The following TAFA2 variants were observed in gnomAD, a reference collection of about 807,000 sequenced individuals.
The protein encoded by TAFA2 is chemokine-like protein TAFA-2.
Under a neutral mutation model 18.8 loss-of-function variants are expected in TAFA2, and 7 were observed. That is an observed-to-expected ratio of 0.37 (90% CI 0.21 to 0.70). The LOEUF is 0.70. TAFA2 is among the 30% of genes least tolerant of loss of function. TAFA2 has a pLI of 0.53. For synonymous variants in TAFA2, 60 were observed against 54.2 expected, an observed-to-expected ratio of 1.11 and a Z score of -0.47; for missense variants, 122 against 158.1, an observed-to-expected ratio of 0.77 and a Z score of 1.23.
intron 1 of TAFA2, among the ~76,000 whole-genome samples, chr12:61,985,882 T>C (rs975149261): frequency 8.5e-5 from 13 of 152,210 alleles, no homozygotes; most frequent in African/African-American, 2.9e-4. Flanking sequence ...CAGATCCACA[T>C]GTCACCTGGT....
chr12:62,220,088 A>G (rs1202688658), intron 1 of TAFA2, among the ~76,000 whole-genome samples: 1 of 152,176 alleles, frequency 6.6e-6, no homozygotes. Flanking sequence ...ATAAAGGCAA[A>G]ACCTCACTAG....
intron 1 of TAFA2, among the ~76,000 whole-genome samples, chr12:62,179,346 A>G (rs1383839946): frequency 6.6e-6 from 1 of 152,146 alleles, no homozygotes; most frequent in African/African-American, 2.4e-5. Flanking sequence ...GAAGCATTAT[A>G]TGCTTCTATA....
chr12:61,859,175 G>C (rs1237099366), intron 2 of TAFA2, among the ~76,000 whole-genome samples: 1 of 152,236 alleles, frequency 6.6e-6, no homozygotes, highest in African/African-American at 2.4e-5. Flanking sequence ...CAAGGCAAAA[G>C]AGAAGCAGGC....
chr12:62,040,428 G>A (rs1241466692), intron 1 of TAFA2, among the ~76,000 whole-genome samples: 1 of 152,064 alleles, frequency 6.6e-6, no homozygotes, highest in African/African-American at 2.4e-5. Context: ...TTATTAGTAT[G>A]AGCCCTAATC....
At chr12:62,044,953 G>A (rs1418363045) in intron 1 of TAFA2, among the ~76,000 whole-genome samples, 1 of 152,040 alleles carries the variant, frequency 6.6e-6, no homozygotes, top group African/African-American at 2.4e-5. Flanking sequence ...TGTTCCTTGG[G>A]CCCTTGGAAA....
At chr12:62,062,030 C>T (rs1045681712) in intron 1 of TAFA2, among the ~76,000 whole-genome samples, 4 of 152,012 alleles carry the variant, frequency 2.6e-5, no homozygotes, top group African/African-American at 9.7e-5. Flanking sequence ...AAAAATTAGC[C>T]AGGTGCAATG....
intron 1 of TAFA2, among the ~76,000 whole-genome samples, chr12:62,249,645 T>C (rs1302932923): frequency 6.6e-6 from 1 of 152,190 alleles, no homozygotes; most frequent in Non-Finnish European, 1.5e-5. Flanking sequence ...AGAGCAACCT[T>C]CCAAATACCC....
At chr12:62,034,179 G>T (rs1355898447) in intron 1 of TAFA2, among the ~76,000 whole-genome samples, 1 of 152,110 alleles carries the variant, frequency 6.6e-6, no homozygotes, top group African/African-American at 2.4e-5. Flanking sequence ...TTTAACTCCA[G>T]GAAAACTAAA....
At chr12:61,772,773 G>A (rs1182789757) in intron 2 of TAFA2, among the ~76,000 whole-genome samples, 1 of 151,818 alleles carries the variant, frequency 6.6e-6, no homozygotes, top group Admixed American at 6.6e-5. Flanking sequence ...GGGAAAAGTT[G>A]AAAGCACTCC....
At chr12:61,973,395 AT>A (rs33918768) in intron 1 of TAFA2, among the ~76,000 whole-genome samples, 37,449 of 135,498 alleles carry the variant, frequency 0.28, 5,087 homozygotes, top group East Asian at 0.48. Flanking sequence ...TATTATTTAG[AT>A]TTTTTTTTTT....
Position 61,750,767 on chromosome 12 carries a change from T to A in TAFA2, c.384+2855A>T, listed in dbSNP as rs188198133. 3.6e-3 allele frequency among the ~76,000 whole-genome samples: 549 copies of A among 152,266 alleles called. 1 individual carries two copies. The highest frequency in any genetic ancestry group is 0.012 in the African/African-American group (499 of 41,582). ...CATTATAAGGGAGAGTGTACATTAT[T>A]GCATATTTTAATTATTTCTCAAGCC... On this transcript the variant is annotated intron_variant, in intron 4 of 4. Coordinates refer to ENST00000416284, the MANE Select transcript of TAFA2 (RefSeq NM_178539.5).
At chr12:62,228,552 T>C (rs2062797943) in intron 1 of TAFA2, among the ~76,000 whole-genome samples, 2 of 152,228 alleles carry the variant, frequency 1.3e-5, no homozygotes, top group Non-Finnish European at 2.9e-5. Context: ...ACATCTGTTA[T>C]TTTTTGACTT....
intron 1 of TAFA2, among the ~76,000 whole-genome samples, chr12:62,038,865 C>T (rs1881682168): frequency 6.6e-6 from 1 of 152,082 alleles, no homozygotes; most frequent in Non-Finnish European, 1.5e-5. Context: ...TGAAAATAAG[C>T]CATGTTATAC....
chr12:62,115,152 A>G (rs563605980), intron 1 of TAFA2, among the ~76,000 whole-genome samples: 1 of 152,164 alleles, frequency 6.6e-6, no homozygotes, highest in Admixed American at 6.6e-5. Flanking sequence ...CTAGAATTTT[A>G]ATTCTAAGCC....
At chr12:61,833,062 A>G (rs1370046846) in intron 2 of TAFA2, among the ~76,000 whole-genome samples, 3 of 147,178 alleles carry the variant, frequency 2.0e-5, no homozygotes, top group African/African-American at 7.4e-5. Flanking sequence ...ATAAATAAAT[A>G]TATATACATA....
intron 1 of TAFA2, among the ~76,000 whole-genome samples, chr12:62,249,605 T>C (rs1292301307): frequency 6.6e-6 from 1 of 152,140 alleles, no homozygotes; most frequent in Non-Finnish European, 1.5e-5. Flanking sequence ...TTCCCTTAGG[T>C]CAAAATTTCT....
At chr12:61,831,768 G>C (rs1872729260) in intron 2 of TAFA2, among the ~76,000 whole-genome samples, 1 of 151,954 alleles carries the variant, frequency 6.6e-6, no homozygotes, top group Admixed American at 6.6e-5. Context: ...TGTTACATAT[G>C]TATACATGTG....
At chr12:62,225,133 C>T (rs2062780645) in intron 1 of TAFA2, among the ~76,000 whole-genome samples, 1 of 151,972 alleles carries the variant, frequency 6.6e-6, no homozygotes, top group Middle Eastern at 3.4e-3. Flanking sequence ...GGGATGGTGG[C>T]GGGCTTAGTT....
At chr12:61,862,888 C>A (rs968935483) in intron 2 of TAFA2, among the ~76,000 whole-genome samples, 7 of 152,158 alleles carry the variant, frequency 4.6e-5, no homozygotes, top group African/African-American at 1.7e-4. Context: ...GCATTTATAT[C>A]ATAAAACATC....
Sources: allele counts gnomAD v4.1 joint callset (sites outside exome capture counted in the v4.1 genomes callset), GRCh38; gene constraint gnomAD v4.1.1; transcripts MANE v1.5; gene names NCBI Gene and HGNC (gene_info 2026-07-23, HGNC 2026-07-21).